The following USP33 variants were observed in gnomAD, a reference collection of about 807,000 sequenced individuals.
USP33 encodes ubiquitin specific peptidase 33, also known as ubiquitin carboxyl-terminal hydrolase 33.
Under a neutral mutation model 124.2 loss-of-function variants are expected in USP33, and 46 were observed. The observed-to-expected ratio is 0.37, with a 90% CI of 0.29 to 0.47. The LOEUF is 0.47. Ranked by LOEUF, USP33 falls within the 20% of genes least tolerant of loss-of-function variation. The probability of loss-of-function intolerance (pLI) is 0.99; values close to 1 mark genes in which losing one functional copy is unlikely to be tolerated. For synonymous variants in USP33, 350 were observed against 352.3 expected, an observed-to-expected ratio of 0.99 and a Z score of 0.07; for missense variants, 851 against 1,070.6, an observed-to-expected ratio of 0.79 and a Z score of 2.86.
chr1:77,730,353 A>G (rs550427507), intron 8 of USP33, among the ~76,000 whole-genome samples: 2 of 152,180 alleles, frequency 1.3e-5, no homozygotes, highest in Non-Finnish European at 2.9e-5. Flanking sequence ...GCAAAACTCT[A>G]AAGTTCCAGT....
chr1:77,731,215 A>G (rs1677769360), intron 7 of USP33, among the ~76,000 whole-genome samples: 1 of 152,202 alleles, frequency 6.6e-6, no homozygotes, highest in Admixed American at 6.5e-5. Context: ...AAATTTATAT[A>G]AAGTCAACCA....
At chr1:77,749,419 C>A (rs1680074304) in intron 1 of USP33, among the ~76,000 whole-genome samples, 1 of 151,098 alleles carries the variant, frequency 6.6e-6, no homozygotes, top group Admixed American at 6.6e-5. Flanking sequence ...TCTCGCTCTG[C>A]TGCCCAGGCT....
At position 77,740,924 on chromosome 1, in the gene USP33, C is replaced by T; in HGVS notation, c.151G>A (p.Val51Ile). The T allele has an allele frequency of 1.3e-6, 2 of 1,560,924 alleles. No homozygotes were observed. The highest frequency in any genetic ancestry group is 4.8e-5 in the East Asian group (2 of 42,102). The stretch of plus-strand genomic sequence containing the variant: ...TCTACTTGTGATTCACCACAGCCAA[C>T]ATATGAACATCTATTCTATAAATAA... ...WACLENRCSY[V>I]GCGESQVDHS... is the part of the protein sequence containing the mutation. Residue 51 changes from valine to isoleucine, a missense_variant, in exon 4 of 24, where the codon GTT becomes ATT. By Grantham distance (29) the Val-to-Ile change is conservative. Around this residue, in one of 4 missense-constraint regions of USP33, gnomAD observed 221 missense variants for 302.9 expected, o/e 0.73. Transcript: ENST00000370794.
intron 20 of USP33, 89 bp from the exon 21 acceptor site, chr1:77,711,944 C>A: frequency 8.0e-7 from 1 of 1,247,020 alleles, no homozygotes; most frequent in Non-Finnish European, 1.1e-6. Context: ...AAAAATAAAT[C>A]CTCTTAATAA....
At chr1:77,718,944 A>AC (rs1676245772) in intron 15 of USP33, among the ~76,000 whole-genome samples, 1 of 151,336 alleles carries the variant, frequency 6.6e-6, no homozygotes, top group Non-Finnish European at 1.5e-5. Flanking sequence ...AAAAAAAAAA[A>AC]AGAAAGAAAG....
At chr1:77,720,292 G>A in intron 15 of USP33, 2 of 983,782 alleles carry the variant, frequency 2.0e-6, no homozygotes, top group Non-Finnish European at 2.4e-6. Context: ...GAATATGGAG[G>A]TAGATGCAAG....
In USP33 at chr1:77,728,297, G is replaced by A; in HGVS notation, c.1133C>T (p.Ser378Leu). The change falls in exon 10 of 24, where the codon TCA becomes TTA. Residue 378 changes from serine (S) to leucine (L), a missense_variant and splice_region_variant. By Grantham distance (145) the Ser-to-Leu change is moderately radical (BLOSUM62 -2). Around this residue, in one of 4 missense-constraint regions of USP33, gnomAD observed 207 missense variants for 200.9 expected, o/e 1.03. Transcript: ENST00000370794. ...TVKVQIHSRASEYITDVHSND... is the reference protein window; with the variant it reads ...TVKVQIHSRALEYITDVHSND... ...TGAACAAACTACTAAATTGTCACCT[G>A]AAGCTCTGCTGTGTATTTGCACTTT... 6.4e-7 allele frequency: 1 copy of A among 1,573,470 alleles called. No homozygotes were observed.
rs774437644 is a variant in USP33, at chr1:77,721,791, T to C, written c.1657+40A>G. 24 of 1,553,858 alleles carry C rather than the reference T, an allele frequency of 1.5e-5. No individual in the cohort carries two copies. In the South Asian group the frequency reaches 2.4e-4, roughly 16 times the overall value. On this transcript the variant is annotated intron_variant, in intron 14 of 23. Coordinates refer to ENST00000370794, the MANE Select transcript of USP33 (RefSeq NM_201624.3). ...ATTTAGTCCCACTAGTATTTTAGAT[T>C]TACCTACAAAAATTTAGCCATAGAT... is the stretch of plus-strand genomic sequence containing the variant.
intron 21 of USP33, among the ~76,000 whole-genome samples, chr1:77,703,783 C>T (rs535816855): frequency 1.4e-4 from 21 of 152,126 alleles, no homozygotes; most frequent in Non-Finnish European, 2.9e-4. Context: ...TGGCATGGCA[C>T]AGTGGCTCAC....
intron 1 of USP33, among the ~76,000 whole-genome samples, chr1:77,756,734 T>C (rs574755224): frequency 2.0e-5 from 3 of 152,360 alleles, no homozygotes; most frequent in Admixed American, 2.0e-4. Context: ...CCTCCTTCTC[T>C]GATTCTACCT....
chr1:77,701,896 C>T (rs1305973897), intron 21 of USP33, among the ~76,000 whole-genome samples: 2 of 151,916 alleles, frequency 1.3e-5, no homozygotes. Flanking sequence ...TCTTGAACTC[C>T]TGACCTCAAG....
At chr1:77,701,297 T>C (rs1280930271) in intron 22 of USP33, 72 bp downstream of exon 22, 1 of 1,052,056 alleles carries the variant, frequency 9.5e-7, no homozygotes, top group Non-Finnish European at 1.4e-6. Context: ...TGCACACAGA[T>C]ATTCAAGAAA....
chr1:77,720,202 T>G, intron 15 of USP33: 1 of 425,250 alleles, frequency 2.4e-6, no homozygotes, highest in Non-Finnish European at 3.1e-6. Flanking sequence ...AAACCTTTAT[T>G]CTTACATGTG....
chr1:77,713,495 C>T, intron 19 of USP33: 1 of 458,454 alleles, frequency 2.2e-6, no homozygotes, highest in Non-Finnish European at 3.8e-6. Context: ...AGGCATCCTC[C>T]CACCCCAGCG....
At chr1:77,704,969 C>A (rs1316929678) in intron 21 of USP33, among the ~76,000 whole-genome samples, 1 of 152,148 alleles carries the variant, frequency 6.6e-6, no homozygotes, top group Non-Finnish European at 1.5e-5. Context: ...AAAGCCCACA[C>A]AGTCATTTCC....
In USP33 at chr1:77,736,054, A is replaced by G; in HGVS notation, c.454+2T>C. 1 of 1,601,310 alleles carries G rather than the reference A, an allele frequency of 6.2e-7. No homozygotes were observed. Among genetic ancestry groups the G allele is most frequent in the Non-Finnish European group, 8.5e-7 (1 of 1,171,358 alleles). ...AAGAAGCGTTACACAGGATTAATTT[A>G]CCTCTGGCCCTAAGTTCATCTTCTT... On this transcript the variant is annotated splice_donor_variant, in intron 6 of 23. Coordinates refer to ENST00000370794, the MANE Select transcript of USP33 (RefSeq NM_201624.3). LOFTEE classifies it high-confidence loss of function.
intron 5 of USP33, 150 bp downstream of exon 5, chr1:77,739,115 G>A: frequency 1.2e-6 from 1 of 848,192 alleles, no homozygotes; most frequent in Non-Finnish European, 1.8e-6. Flanking sequence ...GGGAGTCTGA[G>A]TGCTTTATTT....
intron 1 of USP33, among the ~76,000 whole-genome samples, chr1:77,755,391 C>T (rs995656888): frequency 2.0e-5 from 3 of 152,140 alleles, no homozygotes; most frequent in Non-Finnish European, 4.4e-5. Context: ...AGTAATGCTT[C>T]CATAAAAAAT....
intron 18 of USP33, 151 bp from the exon 19 acceptor site, chr1:77,714,934 C>T (rs1675694764): frequency 1.9e-5 from 14 of 744,424 alleles, no homozygotes; most frequent in Non-Finnish European, 3.0e-5. Context: ...GTATTATCCA[C>T]CAAATACATT....
Sources: allele counts gnomAD v4.1 joint callset (sites outside exome capture counted in the v4.1 genomes callset), GRCh38; gene constraint gnomAD v4.1.1; regional missense constraint gnomAD v4.1.1; transcripts MANE v1.5; gene names NCBI Gene and HGNC (gene_info 2026-07-23, HGNC 2026-07-21).